Variants in ANO4 observed in about 807,000 individuals in gnomAD.
The protein encoded by ANO4 is anoctamin-4.
A neutral mutation model predicts 141.9 loss-of-function variants in ANO4; 69 were observed. The ratio of observed to expected loss-of-function variants is 0.49; its 90% CI spans 0.40 to 0.59. The LOEUF (loss-of-function observed/expected upper bound fraction) is 0.59, where lower values mean the gene tolerates loss of function less well. ANO4 is among the 20% of genes least tolerant of loss of function. ANO4 has a pLI of 0.00. For missense variants in ANO4, 894 were observed against 1,162.2 expected (o/e 0.77, Z 3.36); for synonymous variants, 350 against 394.3 (o/e 0.89, Z 1.33).
chr12:101,081,734 G>A (rs1294168379), intron 15 of ANO4, among the ~76,000 whole-genome samples: 1 of 152,132 alleles, frequency 6.6e-6, no homozygotes, highest in Non-Finnish European at 1.5e-5. Context: ...CCAAGCCAAG[G>A]TGTCAGCAGG....
In ANO4 at chr12:100,728,938, G is replaced by A. The variant is rs367591858; in HGVS notation, c.23-4836G>A. Among the ~76,000 whole-genome samples the A allele has an allele frequency of 1.3e-3, 201 of 151,880 alleles. 1 individual carries two copies. Among genetic ancestry groups the A allele is most frequent in the African/African-American group, 4.7e-3 (192 of 41,262 alleles). On this transcript the variant is annotated intron_variant, in intron 1 of 29. Transcript: ENST00000644049. ...TCGGTTAAGAAACAGAACACTTCCA[G>A]CATCCCCGAACCCACCCCTGCCCCA... is the stretch of plus-strand genomic sequence containing the variant.
intron 13 of ANO4, among the ~76,000 whole-genome samples, chr12:101,046,814 G>A (rs919156389): frequency 6.6e-6 from 1 of 152,204 alleles, no homozygotes; most frequent in Admixed American, 6.5e-5. Flanking sequence ...TGAGCCATGT[G>A]TCCCTTGGGA....
intron 3 of ANO4, among the ~76,000 whole-genome samples, chr12:100,769,680 GA>G (rs1414097289): frequency 6.6e-6 from 1 of 152,156 alleles, no homozygotes; most frequent in African/African-American, 2.4e-5. Context: ...GTTAAGTGCA[GA>G]TGCATTCTAG....
intron 1 of ANO4, among the ~76,000 whole-genome samples, chr12:100,816,377 G>A (rs911463946): frequency 2.0e-5 from 3 of 151,942 alleles, no homozygotes; most frequent in Admixed American, 2.0e-4. Context: ...AAAGATGAGT[G>A]GTCCATTATC....
chr12:100,750,341 G>A lies in ANO4; in HGVS notation c.358+10236G>A, dbSNP rs144552119. Reference sequence around the variant, plus strand: ...GTATTTTTAGTAGAGACAGGGTTTCGTCATGTTGGCCAGGCTAGTCTTGAA... The same window carrying A: ...GTATTTTTAGTAGAGACAGGGTTTCATCATGTTGGCCAGGCTAGTCTTGAA... On this transcript the variant is annotated intron_variant, in intron 3 of 29. Transcript: ENST00000644049. Among the ~76,000 whole-genome samples the A allele has an allele frequency of 2.6e-3, 385 of 145,608 alleles. 4 individuals are homozygous for A. The East Asian group carries it at 0.027, about 10-fold the overall frequency.
chr12:100,942,251 T>C, intron 4 of ANO4, 126 bp from the exon 5 acceptor site: 1 of 1,068,488 alleles, frequency 9.4e-7, no homozygotes, highest in Non-Finnish European at 1.3e-6. Flanking sequence ...AGTGCTGGGA[T>C]TACAGGCATG....
chr12:100,755,280 C>G (rs1050912042), intron 3 of ANO4, among the ~76,000 whole-genome samples: 1 of 152,120 alleles, frequency 6.6e-6, no homozygotes, highest in African/African-American at 2.4e-5. Context: ...TGCCTTGTTT[C>G]CCTTCTTTCT....
chr12:101,007,240 C>T (rs1404269852), intron 8 of ANO4, among the ~76,000 whole-genome samples: 1 of 152,178 alleles, frequency 6.6e-6, no homozygotes, highest in Non-Finnish European at 1.5e-5. Flanking sequence ...GTAGGCCTAG[C>T]TACTTGGGAG....
chr12:100,854,317 T>C (rs749759391), intron 1 of ANO4, among the ~76,000 whole-genome samples: 4 of 152,174 alleles, frequency 2.6e-5, no homozygotes, highest in African/African-American at 4.8e-5. Flanking sequence ...CTGTTTGCTT[T>C]AGCTGTTTCC....
intron 2 of ANO4, among the ~76,000 whole-genome samples, chr12:100,737,452 T>C (rs1321003093): frequency 2.0e-5 from 3 of 152,190 alleles, no homozygotes; most frequent in African/African-American, 7.2e-5. Flanking sequence ...GACCCCATCC[T>C]TGAGCCAATC....
intron 5 of ANO4, among the ~76,000 whole-genome samples, chr12:100,959,065 A>G (rs759319323): frequency 5.4e-4 from 82 of 151,592 alleles, no homozygotes; most frequent in Admixed American, 7.9e-4. Flanking sequence ...TGCCCAATCA[A>G]CCTTCTCACC....
At chr12:101,038,241 TA>T in intron 10 of ANO4, among the ~76,000 whole-genome samples, 1 of 152,228 alleles carries the variant, frequency 6.6e-6, no homozygotes, top group Non-Finnish European at 1.5e-5. Context: ...TTCTGAACTC[TA>T]AAGACATACT....
chr12:100,882,409 T>C (rs959218398), intron 1 of ANO4, among the ~76,000 whole-genome samples: 4 of 152,202 alleles, frequency 2.6e-5, no homozygotes, highest in African/African-American at 9.6e-5. Flanking sequence ...TTCTATCCTA[T>C]GAGGTAGATG....
At position 100,894,890 on chromosome 12, in the gene ANO4, C is replaced by T. The variant is rs889937289; in HGVS notation, c.-140-6756C>T. ...CTGAGGCAGGAGAATGGCGTGAACC[C>T]GGGAGGCGGAGCTTGCAGTGAGCCG... is the stretch of plus-strand genomic sequence containing the variant. On this transcript the variant is annotated intron_variant, in intron 1 of 27. Transcript: ENST00000392977. 7.2e-4 allele frequency among the ~76,000 whole-genome samples: 105 copies of T among 146,360 alleles called. 1 individual carries two copies. In the East Asian group the frequency reaches 0.017, roughly 24 times the overall value.
chr12:101,103,483 G>A (rs1000121644), intron 22 of ANO4, among the ~76,000 whole-genome samples: 36 of 151,294 alleles, frequency 2.4e-4, no homozygotes, highest in African/African-American at 8.7e-4. Context: ...TGAATCTATT[G>A]AAATGATTAT....
Position 101,019,381 on chromosome 12 carries a change from C to T in ANO4, c.735-653C>T, listed in dbSNP as rs114260017. 9.9e-3 allele frequency among the ~76,000 whole-genome samples: 1,509 copies of T among 151,914 alleles called. 21 individuals carry two copies. Among genetic ancestry groups the T allele is most frequent in the African/African-American group, 0.033 (1,379 of 41,410 alleles). ...CTGGAAAGCCGTGTGTGTGTGTGTG[C>T]GCACACACACATACACACACATACC... On this transcript the variant is annotated intron_variant, in intron 8 of 27. Coordinates refer to ENST00000392977, the MANE Select transcript of ANO4 (RefSeq NM_001286615.2).
At chr12:100,836,894 A>G (rs1232198052) in intron 1 of ANO4, among the ~76,000 whole-genome samples, 1 of 152,176 alleles carries the variant, frequency 6.6e-6, no homozygotes, top group Non-Finnish European at 1.5e-5. Context: ...ATCCAGGTGA[A>G]GACATCAGAA....
intron 14 of ANO4, among the ~76,000 whole-genome samples, chr12:101,070,492 T>G (rs1407516179): frequency 2.0e-5 from 3 of 152,122 alleles, no homozygotes; most frequent in Non-Finnish European, 1.5e-5. Context: ...ACCCTTATCT[T>G]TCCGCATATA....
intron 1 of ANO4, among the ~76,000 whole-genome samples, chr12:100,819,254 T>A (rs2035906154): frequency 6.6e-6 from 1 of 151,864 alleles, no homozygotes; most frequent in African/African-American, 2.4e-5. Flanking sequence ...CAAATGTAAG[T>A]TAAATATAAC....
Sources: gnomAD v4.1 joint callset for allele counts (sites outside exome capture counted in the v4.1 genomes callset) on GRCh38, gnomAD v4.1.1 for gene constraint, MANE v1.5 for transcripts, NCBI Gene and HGNC (gene_info 2026-07-23, HGNC 2026-07-21) for gene names.